SLC66A2: variants seen among roughly 807,000 people sequenced by gnomAD.
SLC66A2 encodes solute carrier family 66 member 2.
In SLC66A2, 23 loss-of-function variants were observed where a neutral mutation model predicts 25.5. The observed-to-expected ratio is 0.90, with a 90% CI of 0.65 to 1.28. The LOEUF is 1.28. Ranked by LOEUF, SLC66A2 falls within the 50% of genes most tolerant of loss-of-function variation. SLC66A2 has a pLI of 0.00. For missense variants in SLC66A2, 396 were observed against 373.1 expected (o/e 1.06, Z -0.51); for synonymous variants, 193 against 166.5 (o/e 1.16, Z -1.23).
chr18:79,912,529 C>G (rs879346195), intron 5 of SLC66A2, among the ~76,000 whole-genome samples: 2 of 151,524 alleles, frequency 1.3e-5, no homozygotes, highest in African/African-American at 2.4e-5. Flanking sequence ...GGCCACGTGT[C>G]ACCAGGCCAC....
At chr18:79,929,568 C>T (rs1986353710) in intron 4 of SLC66A2, among the ~76,000 whole-genome samples, 1 of 152,026 alleles carries the variant, frequency 6.6e-6, no homozygotes, top group African/African-American at 2.4e-5. Context: ...GTGGTTCACA[C>T]AGGAAAAAAA....
At chr18:79,939,101 TTA>T (rs2144918360) in intron 3 of SLC66A2, among the ~76,000 whole-genome samples, 1 of 152,380 alleles carries the variant, frequency 6.6e-6, no homozygotes, top group South Asian at 2.1e-4. Context: ...TTAATACCAT[TTA>T]TGTTTCTTTT....
rs1987620752 is a variant in SLC66A2 at position 79,941,034 on chromosome 18, G to A, written c.337+2295C>T. 6.6e-6 allele frequency among the ~76,000 whole-genome samples: 1 copy of A among 152,120 alleles called. No individual in the cohort carries two copies. The highest frequency in any genetic ancestry group is 6.5e-5 in the Admixed American group (1 of 15,274). On this transcript the variant is annotated intron_variant, in intron 3 of 5. Coordinates refer to ENST00000397778, the MANE Select transcript of SLC66A2 (RefSeq NM_025078.5). This position sits in a 1 kb window ranked among gnomAD's most constrained non-coding sequence, Gnocchi z 4.1. ...GCTTCCCAAATACTCCAGGCCTGAG[G>A]AAAGGGTGCCCCAGCTTCCTATCGC...
chr18:79,916,261 CAGTGCTCCCGTACCCGT>C, intron 5 of SLC66A2, among the ~76,000 whole-genome samples: 1 of 42,908 alleles, frequency 2.3e-5, no homozygotes, highest in Admixed American at 2.6e-4. Flanking sequence ...CTCATAGCCG[CAGTGCTCCCGTACCCGT>C]GGTGCTCCCG....
chr18:79,904,325 CGG>C lies in SLC66A2; in HGVS notation c.609-144_609-143del, dbSNP rs1424149924. The C allele has an allele frequency of 1.4e-6, 1 of 730,934 alleles. No homozygotes were observed. The highest frequency in any genetic ancestry group is 2.7e-5 in the Admixed American group (1 of 37,358). The allele number at this position is 730,934 out of a possible 1,614,324, so 45.3% of individuals were successfully genotyped here. On this transcript the variant is annotated intron_variant, in intron 5 of 5. Transcript: ENST00000397778. The surrounding 1 kb of genome is among the most constrained non-coding windows in gnomAD (Gnocchi z 6.3). ...GCTAAGGGGACCCCCAGGCAGTCGG[CGG>C]GGAGGCCTGGGGCTCAGGGGGCACC...
At position 79,941,340 on chromosome 18, in the gene SLC66A2, G is replaced by A. The variant is rs1987648024; in HGVS notation, c.337+1989C>T. ...ACCCCTGAGATTAGGTTACACCACAGGATAATCCAGGACCAGCCCCCTCAA... is the reference window on the plus strand; with the variant it reads ...ACCCCTGAGATTAGGTTACACCACAAGATAATCCAGGACCAGCCCCCTCAA... On this transcript the variant is annotated intron_variant, in intron 3 of 5. Transcript: ENST00000397778. The surrounding 1 kb of genome is among the most constrained non-coding windows in gnomAD (Gnocchi z 4.1). Among the ~76,000 whole-genome samples, 1 of 152,170 alleles carries A rather than the reference G, an allele frequency of 6.6e-6. No individual in the cohort carries two copies. The highest frequency in any genetic ancestry group is 1.5e-5 in the Non-Finnish European group (1 of 68,042).
At chr18:79,922,009 G>A (rs1392142166) in intron 4 of SLC66A2, among the ~76,000 whole-genome samples, 4 of 151,932 alleles carry the variant, frequency 2.6e-5, no homozygotes, top group African/African-American at 9.7e-5. Context: ...GAGGAGAGAC[G>A]GGAACTTGGG....
chr18:79,905,250 A>G (rs1336592751), intron 5 of SLC66A2, among the ~76,000 whole-genome samples: 1 of 152,226 alleles, frequency 6.6e-6, no homozygotes, highest in African/African-American at 2.4e-5. Flanking sequence ...CGGTTTAGCT[A>G]AATTATAAGG....
chr18:79,943,679 G>A, intron 2 of SLC66A2: 1 of 525,824 alleles, frequency 1.9e-6, no homozygotes, highest in Non-Finnish European at 3.3e-6. Flanking sequence ...CAGGAGGGAG[G>A]CCCACCCATG....
At chr18:79,939,274 C>T (rs1328840503) in intron 3 of SLC66A2, among the ~76,000 whole-genome samples, 1 of 152,194 alleles carries the variant, frequency 6.6e-6, no homozygotes, top group Non-Finnish European at 1.5e-5. Context: ...ATTTTCATGT[C>T]CTCATCGGTC....
chr18:79,924,905 G>A (rs547244440), intron 4 of SLC66A2: 5 of 152,390 alleles, frequency 3.3e-5, no homozygotes, highest in African/African-American at 1.2e-4. Context: ...CTGGGGAATT[G>A]GAGCAGGTGG....
chr18:79,906,037 A>T (rs1982080393), intron 5 of SLC66A2, among the ~76,000 whole-genome samples: 1 of 152,214 alleles, frequency 6.6e-6, no homozygotes, highest in Non-Finnish European at 1.5e-5. Flanking sequence ...CATTTTATCC[A>T]AATTTTCAAA....
intron 4 of SLC66A2, among the ~76,000 whole-genome samples, chr18:79,929,762 TA>T (rs926066915): frequency 1.0e-4 from 15 of 150,526 alleles, no homozygotes; most frequent in Admixed American, 2.6e-4. Flanking sequence ...ACAGAAATTC[TA>T]AAAAAAAAGA....
At chr18:79,948,245 A>C (rs1249601017) in intron 2 of SLC66A2, among the ~76,000 whole-genome samples, 1 of 152,220 alleles carries the variant, frequency 6.6e-6, no homozygotes, top group Non-Finnish European at 1.5e-5. Flanking sequence ...CCAGCTTCAA[A>C]CCTCTACGTC....
At chr18:79,932,475 AAAAG>A (rs34267076) in intron 4 of SLC66A2, among the ~76,000 whole-genome samples, 92 of 151,720 alleles carry the variant, frequency 6.1e-4, no homozygotes, top group Middle Eastern at 3.4e-3. Flanking sequence ...TTGTGTTAAA[AAAAG>A]AAAGAAAGAA....
rs1323892240 is a variant in SLC66A2, at chr18:79,937,277, T to C, written c.338-3255A>G. 6.6e-6 allele frequency among the ~76,000 whole-genome samples: 1 copy of C among 152,186 alleles called. No homozygotes were observed. The highest frequency in any genetic ancestry group is 2.4e-5 in the African/African-American group (1 of 41,440). ...TAGCCGCCACACGAGCACCCTGTTATACCAGGATCCTGTGTAGAAGCGAGA... is the reference window on the plus strand; with the variant it reads ...TAGCCGCCACACGAGCACCCTGTTACACCAGGATCCTGTGTAGAAGCGAGA... On this transcript the variant is annotated intron_variant, in intron 3 of 5. Coordinates refer to ENST00000397778, the MANE Select transcript of SLC66A2 (RefSeq NM_025078.5). The surrounding 1 kb of genome is among the most constrained non-coding windows in gnomAD (Gnocchi z 5.4).
Position 79,903,590 on chromosome 18 carries a change from G to A in SLC66A2, c.*386C>T, listed in dbSNP as rs561425916. 1.6e-4 allele frequency: 40 copies of A among 249,488 alleles called. No individual in the cohort carries two copies. Among genetic ancestry groups the A allele is most frequent in the Middle Eastern group, 2.6e-3 (2 of 784 alleles). 15.5% of individuals were successfully genotyped at this position (249,488 alleles called of 1,614,324 possible). A position where few individuals can be genotyped will look rare whatever the true frequency, so the allele number is the denominator to read the frequency against. On this transcript the variant is annotated 3_prime_UTR_variant, in exon 6 of 6. Transcript: ENST00000397778. ...TCACAGGCCTTACAGGGTCTCCTGC[G>A]GTCACCCCAGCTTCAAGGTTCGCGG...
intron 5 of SLC66A2, among the ~76,000 whole-genome samples, chr18:79,906,298 C>T (rs1982121601): frequency 2.0e-5 from 3 of 152,112 alleles, no homozygotes. Context: ...GGTTCCTTTG[C>T]ATTTCATTTT....
chr18:79,938,877 C>T (rs922541349), intron 3 of SLC66A2, among the ~76,000 whole-genome samples: 1 of 152,164 alleles, frequency 6.6e-6, no homozygotes, highest in Non-Finnish European at 1.5e-5. Flanking sequence ...GGGGTTTCAC[C>T]ATGTTGGCCA....
Sources: allele counts gnomAD v4.1 joint callset (sites outside exome capture counted in the v4.1 genomes callset), GRCh38; gene constraint gnomAD v4.1.1; non-coding constraint Gnocchi (gnomAD v3.1); transcripts MANE v1.5; gene names NCBI Gene and HGNC (gene_info 2026-07-23, HGNC 2026-07-21).